Variants in RAI14 observed in about 807,000 individuals in gnomAD.
RAI14 encodes retinoic acid induced 14, also known as ankycorbin.
A neutral mutation model predicts 115.4 loss-of-function variants in RAI14; 45 were observed. The observed-to-expected ratio is 0.39, with a 90% CI of 0.31 to 0.50. The LOEUF (loss-of-function observed/expected upper bound fraction) is 0.50, where lower values mean the gene tolerates loss of function less well. Ranked by LOEUF, RAI14 falls within the 20% of genes least tolerant of loss-of-function variation. The probability of loss-of-function intolerance (pLI) is 0.85; values close to 1 mark genes in which losing one functional copy is unlikely to be tolerated. For missense variants in RAI14, 939 were observed against 1,131.2 expected, an observed-to-expected ratio of 0.83 and a Z score of 2.44; for synonymous variants, 371 against 415.4, an observed-to-expected ratio of 0.89 and a Z score of 1.30.
At chr5:34,686,378 T>G (rs1744877398) in intron 1 of RAI14, 1 of 151,980 alleles carries the variant, frequency 6.6e-6, no homozygotes. Flanking sequence ...TGGGGAGATG[T>G]TGGTCAAAGG....
chr5:34,739,286 CA>C (rs1365291089), intron 2 of RAI14, among the ~76,000 whole-genome samples: 1 of 152,126 alleles, frequency 6.6e-6, no homozygotes, highest in Non-Finnish European at 1.5e-5. Context: ...TTGAGGCACA[CA>C]GGGGCAACTA....
chr5:34,660,701 TAACCACTCAGG>T (rs965809328), intron 1 of RAI14, among the ~76,000 whole-genome samples: 1 of 152,058 alleles, frequency 6.6e-6, no homozygotes, highest in Non-Finnish European at 1.5e-5. Flanking sequence ...ACCCTAATGG[TAACCACTCAGG>T]CTGAAAGGAG....
chr5:34,698,470 A>G (rs1372597406), intron 2 of RAI14, among the ~76,000 whole-genome samples: 1 of 151,932 alleles, frequency 6.6e-6, no homozygotes, highest in African/African-American at 2.4e-5. Context: ...GACACACATG[A>G]AACAATTAAG....
At chr5:34,730,675 C>T (rs973432924) in intron 2 of RAI14, among the ~76,000 whole-genome samples, 3 of 150,888 alleles carry the variant, frequency 2.0e-5, no homozygotes, top group African/African-American at 4.9e-5. Context: ...GACCCTGTCT[C>T]GAAAAAAAAT....
intron 3 of RAI14, among the ~76,000 whole-genome samples, chr5:34,764,540 TCTCTCTCTCTCTCTC>T (rs1749101319): frequency 1.4e-5 from 2 of 141,986 alleles, no homozygotes; most frequent in Non-Finnish European, 3.2e-5. Flanking sequence ...GTGAATTTTC[TCTCTCTCTCTCTCTC>T]TCTCTCTCTC....
chr5:34,811,122 C>G lies in RAI14; in HGVS notation c.557+4C>G, dbSNP rs769521260. 5.0e-6 allele frequency: 8 copies of G among 1,613,726 alleles called. No individual in the cohort carries two copies. In the South Asian group the frequency reaches 8.8e-5, roughly 18 times the overall value. On this transcript the variant is annotated splice_donor_region_variant and intron_variant, in intron 8 of 17. Coordinates refer to ENST00000265109, the MANE Select transcript of RAI14 (RefSeq NM_015577.3). ...ATTCCAGGAACAAAAGTGGAAGGTA[C>G]TCCAGAATTAGGCAGAAATCATGTG... is the stretch of plus-strand genomic sequence containing the variant.
chr5:34,803,936 G>A (rs1301798135), intron 5 of RAI14, among the ~76,000 whole-genome samples, 160 bp downstream of exon 5: 1 of 152,114 alleles, frequency 6.6e-6, no homozygotes, highest in Non-Finnish European at 1.5e-5. Flanking sequence ...TGATAGCCAA[G>A]GAGAAGACTG....
At chr5:34,755,755 C>T (rs1747803093) in intron 2 of RAI14, among the ~76,000 whole-genome samples, 1 of 152,178 alleles carries the variant, frequency 6.6e-6, no homozygotes, top group African/African-American at 2.4e-5. Context: ...AGATAAAGAA[C>T]ATTTCCATGA....
At chr5:34,702,596 G>A (rs745713068) in intron 2 of RAI14, among the ~76,000 whole-genome samples, 3 of 152,190 alleles carry the variant, frequency 2.0e-5, no homozygotes, top group Non-Finnish European at 2.9e-5. Flanking sequence ...TATGGACCCC[G>A]TTCACATTAG....
At chr5:34,737,521 G>A (rs761852920) in intron 2 of RAI14, among the ~76,000 whole-genome samples, 1 of 152,086 alleles carries the variant, frequency 6.6e-6, no homozygotes. Flanking sequence ...CACTCTGGGA[G>A]GCCAAGATGA....
At chr5:34,746,840 G>A (rs990454830) in intron 2 of RAI14, among the ~76,000 whole-genome samples, 5 of 152,136 alleles carry the variant, frequency 3.3e-5, no homozygotes, top group Non-Finnish European at 7.3e-5. Context: ...ATTCTCACAT[G>A]TTGTTGGAGG....
intron 2 of RAI14, among the ~76,000 whole-genome samples, chr5:34,709,086 T>G (rs1002343240): frequency 6.8e-6 from 1 of 147,614 alleles, no homozygotes; most frequent in African/African-American, 2.5e-5. Context: ...GCTATGATCA[T>G]GCTTCTGCTC....
At chr5:34,758,775 G>A (rs1323397973) in intron 3 of RAI14, among the ~76,000 whole-genome samples, 2 of 152,154 alleles carry the variant, frequency 1.3e-5, no homozygotes, top group Non-Finnish European at 2.9e-5. Flanking sequence ...GGCATTGTTC[G>A]TGACTGCTCC....
chr5:34,721,291 G>GTATATATATATATA (rs10538679), intron 2 of RAI14, among the ~76,000 whole-genome samples: 38 of 131,152 alleles, frequency 2.9e-4, no homozygotes, highest in East Asian at 8.2e-4. Context: ...ATGTAGATGT[G>GTATATATATATATA]TATATATATA....
At chr5:34,763,075 G>C (rs1263491542) in intron 3 of RAI14, among the ~76,000 whole-genome samples, 1 of 152,028 alleles carries the variant, frequency 6.6e-6, no homozygotes, top group Non-Finnish European at 1.5e-5. Context: ...TGACTCTGTG[G>C]AGCTTGACTA....
intron 2 of RAI14, among the ~76,000 whole-genome samples, chr5:34,722,740 G>C (rs542757508): frequency 2.6e-5 from 4 of 151,558 alleles, no homozygotes; most frequent in Admixed American, 2.0e-4. Flanking sequence ...CAGCTACTTG[G>C]GGGGCTGAGG....
chr5:34,705,656 A>AT (rs1235116912), intron 2 of RAI14, among the ~76,000 whole-genome samples: 1 of 151,376 alleles, frequency 6.6e-6, no homozygotes, highest in Non-Finnish European at 1.5e-5. Flanking sequence ...TTTTCTTTTT[A>AT]TTTTTTTTGT....
At chr5:34,788,593 T>C (rs112702734) in intron 3 of RAI14, among the ~76,000 whole-genome samples, 41 of 152,276 alleles carry the variant, frequency 2.7e-4, no homozygotes, top group East Asian at 5.8e-4. Flanking sequence ...TAGCAGTACT[T>C]GTAAAAAATA....
chr5:34,714,421 C>G (rs1741769986), intron 2 of RAI14, among the ~76,000 whole-genome samples: 1 of 152,170 alleles, frequency 6.6e-6, no homozygotes, highest in South Asian at 2.1e-4. Flanking sequence ...GGAAGCAAAA[C>G]TAAGTATATG....
Sources: gnomAD v4.1 joint callset for allele counts (sites outside exome capture counted in the v4.1 genomes callset) on GRCh38, gnomAD v4.1.1 for gene constraint, MANE v1.5 for transcripts, NCBI Gene and HGNC (gene_info 2026-07-23, HGNC 2026-07-21) for gene names.